Variants in E2F2 observed in about 807,000 individuals in gnomAD.
E2F2 encodes the protein E2F transcription factor 2, also known as transcription factor E2F2.
In E2F2, 22 loss-of-function variants were observed where a neutral mutation model predicts 42.2. The ratio of observed to expected loss-of-function variants is 0.52; its 90% CI spans 0.37 to 0.74. The LOEUF (loss-of-function observed/expected upper bound fraction) is 0.74, where lower values mean the gene tolerates loss of function less well. Ranked by LOEUF, E2F2 falls within the 30% of genes least tolerant of loss-of-function variation. The pLI is 0.00. For missense variants in E2F2, 481 were observed against 557.8 expected, an observed-to-expected ratio of 0.86 and a Z score of 1.39; for synonymous variants, 248 against 251.6, an observed-to-expected ratio of 0.99 and a Z score of 0.13.
chr1:23,529,636 G>A (rs533850786), intron 1 of E2F2, among the ~76,000 whole-genome samples: 17 of 152,218 alleles, frequency 1.1e-4, no homozygotes, highest in African/African-American at 3.9e-4. Context: ...GCCACCCTGT[G>A]CACACACGCA....
intron 6 of E2F2, among the ~76,000 whole-genome samples, chr1:23,513,812 T>C (rs1246771685): frequency 6.6e-6 from 1 of 151,870 alleles, no homozygotes; most frequent in African/African-American, 2.4e-5. Flanking sequence ...GGATCTTGAT[T>C]TGTAAAACTC....
intron 1 of E2F2, among the ~76,000 whole-genome samples, chr1:23,525,821 AT>A (rs1398406713): frequency 6.6e-6 from 1 of 152,004 alleles, no homozygotes; most frequent in Non-Finnish European, 1.5e-5. Flanking sequence ...CATCGAGCCC[AT>A]TTCTTTCCTC....
rs980605577 is a variant in E2F2 at position 23,506,843 on chromosome 1, G to T, written c.*3037C>A. On this transcript the variant is annotated 3_prime_UTR_variant, in exon 7 of 7. Coordinates refer to ENST00000361729, the MANE Select transcript of E2F2 (RefSeq NM_004091.4). ...AAACTCTGAACACTGCAGAATGGAG[G>T]TTGAGAACACTTGGGGAGGGAGAAC... is the stretch of plus-strand genomic sequence containing the variant. 3 of 152,328 alleles carry T rather than the reference G, an allele frequency of 2.0e-5. No homozygotes were observed. Among genetic ancestry groups the T allele is most frequent in the Non-Finnish European group, 2.9e-5 (2 of 68,108 alleles). The allele number at this position is 152,328 out of a possible 1,614,324, so 9.4% of individuals were successfully genotyped here.
intron 2 of E2F2, 22 bp downstream of exon 2, chr1:23,524,361 A>G: frequency 6.7e-7 from 1 of 1,481,686 alleles, no homozygotes; most frequent in South Asian, 1.2e-5. Flanking sequence ...CCCACCCCAG[A>G]GGCCCCATCA....
In E2F2 at chr1:23,516,389, CAG is replaced by C. The variant is rs1468745393; in HGVS notation, c.989_990del (p.Ser330CysfsTer10). ...GGGTCGGTGCTGCTGCTGGGCTGGGCAGAGTCAGGGCTGGGGCAGAGGGTGGA... is the reference window on the plus strand; with the variant it reads ...GGGTCGGTGCTGCTGCTGGGCTGGGCAGTCAGGGCTGGGGCAGAGGGTGGA... ...STSTLCPSPD[S>X]AQPSSSTDPS... On this transcript the variant is annotated frameshift_variant, in exon 6 of 7. Coordinates refer to ENST00000361729, the MANE Select transcript of E2F2 (RefSeq NM_004091.4). LOFTEE classifies it high-confidence loss of function. 1 of 1,590,988 alleles carries C rather than the reference CAG, an allele frequency of 6.3e-7. No individual in the cohort carries two copies. The highest frequency in any genetic ancestry group is 8.5e-7 in the Non-Finnish European group (1 of 1,170,450).
At chr1:23,506,273 A>G (rs534656090), downstream of E2F2, among the ~76,000 whole-genome samples, 48 of 152,194 alleles carry the variant, frequency 3.2e-4, no homozygotes, top group African/African-American at 1.1e-3. Flanking sequence ...TAATGGTGAG[A>G]TTGCAGGCAT....
rs1244240792 is a variant in E2F2, at chr1:23,530,837, C to T, written c.-44G>A. On this transcript the variant is annotated 5_prime_UTR_variant, in exon 1 of 7. Transcript: ENST00000361729. The surrounding 1 kb of genome is among the most constrained non-coding windows in gnomAD (Gnocchi z 4.4). Reference sequence around the variant, plus strand: ...TACCCAAAAGGGCTTGGCGCGCCCGCGGACACCTGCGGGTTCCGGTGCTGC... The same window carrying T: ...TACCCAAAAGGGCTTGGCGCGCCCGTGGACACCTGCGGGTTCCGGTGCTGC... 7.0e-7 allele frequency: 1 copy of T among 1,431,268 alleles called. No individual in the cohort carries two copies. The highest frequency in any genetic ancestry group is 2.6e-5 in the East Asian group (1 of 38,606). The allele number at this position is 1,431,268 out of a possible 1,614,324, so 88.7% of individuals were successfully genotyped here.
In E2F2 at chr1:23,521,081, G is replaced by C. The variant is rs905831207; in HGVS notation, c.579-10C>G. 2 of 1,603,934 alleles carry C rather than the reference G, an allele frequency of 1.2e-6. No individual in the cohort carries two copies. The highest frequency in any genetic ancestry group is 1.7e-6 in the Non-Finnish European group (2 of 1,175,746). The stretch of plus-strand genomic sequence containing the variant: ...AAACATTCCCCTGCCTCTGGGAACA[G>C]AGCAGCCCCCCAGTGTCAGTCTGTG... On this transcript the variant is annotated splice_polypyrimidine_tract_variant and intron_variant, in intron 3 of 6. Transcript: ENST00000361729.
chr1:23,522,529 A>C (rs1029318598), intron 2 of E2F2, among the ~76,000 whole-genome samples: 2 of 143,212 alleles, frequency 1.4e-5, no homozygotes, highest in Non-Finnish European at 3.1e-5. Context: ...ATTCAAATCC[A>C]GGCAGTCTGA....
At chr1:23,518,854 A>G (rs1643079269) in intron 5 of E2F2, among the ~76,000 whole-genome samples, 162 bp downstream of exon 5, 1 of 152,060 alleles carries the variant, frequency 6.6e-6, no homozygotes, top group South Asian at 2.1e-4. Flanking sequence ...AGCTTCTGCC[A>G]TTTCTGCCCA....
intron 6 of E2F2, among the ~76,000 whole-genome samples, chr1:23,515,540 T>C (rs552908797): frequency 1.3e-4 from 20 of 152,216 alleles, no homozygotes; most frequent in African/African-American, 4.6e-4. Context: ...TTTTTTTTAA[T>C]GGGCAAATTT....
intron 1 of E2F2, among the ~76,000 whole-genome samples, chr1:23,528,562 TTTC>T (rs1266888032): frequency 6.6e-6 from 1 of 152,218 alleles, no homozygotes; most frequent in Non-Finnish European, 1.5e-5. Context: ...AGTGACTTCC[TTTC>T]TTTGCTCAGT....
At chr1:23,518,713 C>T (rs1029160248) in intron 5 of E2F2, among the ~76,000 whole-genome samples, 2 of 152,096 alleles carry the variant, frequency 1.3e-5, no homozygotes, top group Non-Finnish European at 2.9e-5. Context: ...AAAGGATTTT[C>T]ATGAGTATTG....
chr1:23,516,939 G>A (rs1643036015), intron 5 of E2F2, among the ~76,000 whole-genome samples: 1 of 152,088 alleles, frequency 6.6e-6, no homozygotes. Context: ...GACTTTTGCT[G>A]GACTTGTGGG....
At chr1:23,518,023 G>T (rs1643059781) in intron 5 of E2F2, among the ~76,000 whole-genome samples, 1 of 151,820 alleles carries the variant, frequency 6.6e-6, no homozygotes, top group South Asian at 2.1e-4. Context: ...AACAAAAAAT[G>T]TGCTAGGCAT....
At position 23,530,901 on chromosome 1, in the gene E2F2, G is replaced by A; in HGVS notation, c.-108C>T. On this transcript the variant is annotated 5_prime_UTR_variant, in exon 1 of 7. Coordinates refer to ENST00000361729, the MANE Select transcript of E2F2 (RefSeq NM_004091.4). The surrounding 1 kb of genome is among the most constrained non-coding windows in gnomAD (Gnocchi z 4.4). ...GCCCGCGGCATGGCGCGGAGGCCGG[G>A]GGAAGCCGCCAATGGACGCCTGCGG... 7.3e-7 allele frequency: 1 copy of A among 1,373,266 alleles called. No homozygotes were observed. Among genetic ancestry groups the A allele is most frequent in the Non-Finnish European group, 9.5e-7 (1 of 1,057,384 alleles). The allele number at this position is 1,373,266 out of a possible 1,614,324, so 85.1% of individuals were successfully genotyped here.
rs760507580 is a variant in E2F2, at chr1:23,524,400, C to T, written c.341G>A (p.Gly114Asp). Residue 114 changes from glycine (G) to aspartate (D), a missense_variant, in exon 2 of 7, where the codon GGC (glycine) becomes GAC (aspartate). Coordinates refer to ENST00000361729, the MANE Select transcript of E2F2 (RefSeq NM_004091.4). ...CTGCTTACTTTTGGGGCTGGGGAGG[C>T]CATCCACTCTGATGCACTTCCCCTT... ...TPKGKCIRVD[G>D]LPSPKTPKSP... The T allele has an allele frequency of 1.3e-5, 21 of 1,610,818 alleles. No homozygotes were observed. Among genetic ancestry groups the T allele is most frequent in the Non-Finnish European group, 1.8e-5 (21 of 1,178,570 alleles).
chr1:23,530,577 G>C lies in E2F2; in HGVS notation c.217C>G (p.Gln73Glu). Residue 73 changes from glutamine to glutamate, a missense_variant, in exon 1 of 7, where the codon CAA becomes GAA. By Grantham distance (29) the Gln-to-Glu change is conservative (BLOSUM62 2). Transcript: ENST00000361729. This position sits in a 1 kb window ranked among gnomAD's most constrained non-coding sequence, Gnocchi z 4.4. ...CCTGCCGGCAGGCATCGCACAACTT[G>C]GCCCTCGGGTCCGTGGGGAGTGGCG... ...LDATPHGPEG[Q>E]VVRCLPAGRL... 2 of 1,612,494 alleles carry C rather than the reference G, an allele frequency of 1.2e-6. No homozygotes were observed. The highest frequency in any genetic ancestry group is 1.1e-5 in the South Asian group (1 of 91,030).
chr1:23,526,983 A>G (rs1643262493), intron 1 of E2F2, among the ~76,000 whole-genome samples: 2 of 152,218 alleles, frequency 1.3e-5, no homozygotes, highest in Non-Finnish European at 2.9e-5. Context: ...ACCTTTGGAC[A>G]GTGCCCAGAG....
Sources: gnomAD v4.1 joint callset for allele counts (sites outside exome capture counted in the v4.1 genomes callset) on GRCh38, gnomAD v4.1.1 for gene constraint, Gnocchi (gnomAD v3.1) non-coding constraint, MANE v1.5 for transcripts, NCBI Gene and HGNC (gene_info 2026-07-23, HGNC 2026-07-21) for gene names.